SNX29: variants seen among roughly 807,000 people sequenced by gnomAD.
The protein encoded by SNX29 is sorting nexin 29.
In SNX29, 78 loss-of-function variants were observed where a neutral mutation model predicts 102.1. The observed-to-expected ratio is 0.76, with a 90% CI of 0.64 to 0.92. SNX29 has a LOEUF of 0.92. SNX29 is among the 40% of genes least tolerant of loss of function. The pLI, the probability that SNX29 is intolerant of heterozygous loss-of-function variation, is 0.00. For missense variants in SNX29, 1,280 were observed against 1,061.7 expected, an observed-to-expected ratio of 1.21 and a Z score of -2.86; for synonymous variants, 580 against 414.5, an observed-to-expected ratio of 1.40 and a Z score of -4.85.
intron 13 of SNX29, among the ~76,000 whole-genome samples, chr16:12,175,599 C>T (rs982079710): frequency 2.0e-5 from 3 of 150,574 alleles, no homozygotes; most frequent in East Asian, 2.0e-4. Context: ...TTCAGTGAGC[C>T]GAGATGGTGC....
Position 12,397,235 on chromosome 16 carries a change from TTC to T in SNX29, c.1900-1210_1900-1209del, listed in dbSNP as rs564812277. The stretch of plus-strand genomic sequence containing the variant: ...GAGAGCCTTCTAATGTGTCCTAACC[TTC>T]AAGTTTCTTCATTTCTTCTTGAAGC... On this transcript the variant is annotated intron_variant, in intron 16 of 20. Coordinates refer to ENST00000566228, the MANE Select transcript of SNX29 (RefSeq NM_032167.5). Among the ~76,000 whole-genome samples the T allele has an allele frequency of 1.3e-4, 20 of 152,362 alleles. No homozygotes were observed. The South Asian group carries it at 4.1e-3, about 32-fold the overall frequency.
In SNX29 at chr16:12,440,063, G is replaced by A. The variant is rs535072993; in HGVS notation, c.2037+36534G>A. Among the ~76,000 whole-genome samples, 171 of 152,130 alleles carry A rather than the reference G, an allele frequency of 1.1e-3. 1 individual carries two copies. The highest frequency in any genetic ancestry group is 8.3e-4 in the South Asian group (4 of 4,826). On this transcript the variant is annotated intron_variant, in intron 18 of 20. Coordinates refer to ENST00000566228, the MANE Select transcript of SNX29 (RefSeq NM_032167.5). ...AGAGTCTCATGTATAAAATGGGAAT[G>A]TCACCCACCCCACCGGATTGACTCG...
chr16:12,389,307 C>A (rs1040382108), intron 16 of SNX29, among the ~76,000 whole-genome samples: 3 of 152,120 alleles, frequency 2.0e-5, no homozygotes, highest in Admixed American at 1.3e-4. Context: ...GAATTGTAGC[C>A]CCCACCATTC....
chr16:12,512,243 C>G (rs183308), intron 19 of SNX29, among the ~76,000 whole-genome samples: 9 of 149,828 alleles, frequency 6.0e-5, no homozygotes, highest in Non-Finnish European at 8.9e-5. Flanking sequence ...GGAGTGGAGC[C>G]GTGCCAGGTG....
At chr16:12,560,512 C>G (rs1383306991) in intron 20 of SNX29, among the ~76,000 whole-genome samples, 1 of 152,100 alleles carries the variant, frequency 6.6e-6, no homozygotes, top group South Asian at 2.1e-4. Flanking sequence ...CCTGTCCTGC[C>G]CTCCACCTTC....
intron 17 of SNX29, 50 bp downstream of exon 17, chr16:12,398,551 G>T (rs770488646): frequency 3.1e-6 from 5 of 1,603,308 alleles, no homozygotes; most frequent in East Asian, 2.2e-5. Flanking sequence ...ACTGGACTCT[G>T]TTGTTGGCTT....
intron 16 of SNX29, among the ~76,000 whole-genome samples, chr16:12,381,926 C>A (rs2083179772): frequency 6.6e-6 from 1 of 151,050 alleles, no homozygotes; most frequent in Non-Finnish European, 1.5e-5. Flanking sequence ...ACCCCACCCA[C>A]ACATCCGGCA....
At position 12,571,619 on chromosome 16, in the gene SNX29, C is replaced by T. The variant is rs1879827788; in HGVS notation, c.*2990C>T. 9.4e-7 allele frequency: 1 copy of T among 1,059,816 alleles called. No homozygotes were observed. The highest frequency in any genetic ancestry group is 1.1e-6 in the Non-Finnish European group (1 of 875,950). 65.7% of individuals were successfully genotyped at this position (1,059,816 alleles called of 1,614,324 possible). On this transcript the variant is annotated 3_prime_UTR_variant, in exon 21 of 21. Coordinates refer to ENST00000566228, the MANE Select transcript of SNX29 (RefSeq NM_032167.5). ...ACAGAACAGCAGGTTCCATCTTTCACATCTTTTTTTCTCCCCCAGATGAAA... is the reference window on the plus strand; with the variant it reads ...ACAGAACAGCAGGTTCCATCTTTCATATCTTTTTTTCTCCCCCAGATGAAA...
chr16:12,469,521 A>T (rs1337881727), intron 18 of SNX29, among the ~76,000 whole-genome samples: 2 of 152,200 alleles, frequency 1.3e-5, no homozygotes, highest in Non-Finnish European at 2.9e-5. Flanking sequence ...TTCTCTCTGC[A>T]TTCAACAGTC....
chr16:12,278,591 A>T (rs2079331380), intron 15 of SNX29, among the ~76,000 whole-genome samples: 1 of 152,236 alleles, frequency 6.6e-6, no homozygotes, highest in African/African-American at 2.4e-5. Flanking sequence ...TCTTCAAGGT[A>T]ATACACAAAG....
chr16:12,040,487 G>C (rs1460455592), intron 4 of SNX29, among the ~76,000 whole-genome samples: 2 of 152,222 alleles, frequency 1.3e-5, no homozygotes, highest in African/African-American at 4.8e-5. Context: ...CTGTCTTATG[G>C]ATAAAAACAA....
chr16:12,051,626 C>A (rs1329475542), intron 7 of SNX29, among the ~76,000 whole-genome samples: 2 of 152,198 alleles, frequency 1.3e-5, no homozygotes, highest in Non-Finnish European at 2.9e-5. Context: ...AAGATGTGCT[C>A]TGTGGTGTGT....
At chr16:12,352,613 G>C (rs563968833) in intron 15 of SNX29, among the ~76,000 whole-genome samples, 2 of 152,308 alleles carry the variant, frequency 1.3e-5, no homozygotes, top group South Asian at 2.1e-4. Context: ...CCCAGATGAT[G>C]ACTCATAGTC....
chr16:12,572,375 G>A lies in SNX29; in HGVS notation c.*3746G>A. On this transcript the variant is annotated 3_prime_UTR_variant, in exon 21 of 21. Transcript: ENST00000566228. The stretch of plus-strand genomic sequence containing the variant: ...GGACAGCAGGCTCTGCCTTCTGGAG[G>A]CGGCTTATATCCCAACAGCCTGAGG... 7 of 1,063,088 alleles carry A rather than the reference G, an allele frequency of 6.6e-6. No individual in the cohort carries two copies. Among genetic ancestry groups the A allele is most frequent in the Non-Finnish European group, 8.0e-6 (7 of 877,836 alleles). The allele number at this position is 1,063,088 out of a possible 1,614,324, so 65.9% of individuals were successfully genotyped here. A position where few individuals can be genotyped will look rare whatever the true frequency, so the allele number is the denominator to read the frequency against.
At chr16:12,061,723 T>TGGACAGGTAGGAATGGGAGCCGGGAG in intron 9 of SNX29, 77 bp downstream of exon 9, 1 of 1,327,178 alleles carries the variant, frequency 7.5e-7, no homozygotes, top group South Asian at 1.3e-5. Flanking sequence ...CTGAGTTCCC[T>TGGACAGGTAGGAATGGGAGCCGGGAG]GGACAGGTAG....
intron 15 of SNX29, among the ~76,000 whole-genome samples, chr16:12,346,612 C>T (rs1327909160): frequency 6.6e-6 from 1 of 152,216 alleles, no homozygotes; most frequent in Non-Finnish European, 1.5e-5. Context: ...CGCTTAAAGA[C>T]CCTCACAGCT....
At chr16:12,524,449 C>A (rs549055177) in intron 19 of SNX29, among the ~76,000 whole-genome samples, 1 of 151,752 alleles carries the variant, frequency 6.6e-6, no homozygotes, top group South Asian at 2.1e-4. Flanking sequence ...ATAACTGTCC[C>A]ATTTGAATAG....
At chr16:12,296,754 C>G (rs775065424) in intron 15 of SNX29, among the ~76,000 whole-genome samples, 1 of 152,158 alleles carries the variant, frequency 6.6e-6, no homozygotes, top group Non-Finnish European at 1.5e-5. Flanking sequence ...ATGGGCCAGG[C>G]AATAGATACA....
intron 11 of SNX29, among the ~76,000 whole-genome samples, chr16:12,118,357 G>C (rs1416105472): frequency 9.1e-6 from 1 of 109,352 alleles, no homozygotes; most frequent in Non-Finnish European, 1.7e-5. Context: ...GTCTTGCTCT[G>C]TCACCCAGGC....
Sources: gnomAD v4.1 joint callset for allele counts (sites outside exome capture counted in the v4.1 genomes callset) on GRCh38, gnomAD v4.1.1 for gene constraint, MANE v1.5 for transcripts, NCBI Gene and HGNC (gene_info 2026-07-23, HGNC 2026-07-21) for gene names.